CACNA1E: variants seen among roughly 807,000 people sequenced by gnomAD.
CACNA1E encodes the protein calcium voltage-gated channel subunit alpha1 E, also known as voltage-dependent R-type calcium channel subunit alpha-1E.
A neutral mutation model predicts 259.2 loss-of-function variants in CACNA1E; 40 were observed. That is an observed-to-expected ratio of 0.15 (90% CI 0.12 to 0.20). The LOEUF is 0.20. CACNA1E is among the 10% of genes least tolerant of loss of function. The probability of loss-of-function intolerance (pLI) is 1.00; values close to 1 mark genes in which losing one functional copy is unlikely to be tolerated. For synonymous variants in CACNA1E, 1,104 were observed against 1,138.5 expected (o/e 0.97, Z 0.61); for missense variants, 1,874 against 3,040.1 (o/e 0.62, Z 9.02).
intron 17 of CACNA1E, among the ~76,000 whole-genome samples, chr1:181,725,334 T>G (rs183122540): frequency 3.0e-4 from 45 of 152,366 alleles, no homozygotes; most frequent in African/African-American, 1.1e-3. Context: ...TTGGCTGTGT[T>G]GGCTTTGCTT....
intron 25 of CACNA1E, among the ~76,000 whole-genome samples, chr1:181,740,797 G>A (rs1011578580): frequency 2.6e-5 from 4 of 152,168 alleles, no homozygotes; most frequent in Non-Finnish European, 5.9e-5. Context: ...AAAGCTTTCT[G>A]TCACATGTGG....
intron 7 of CACNA1E, among the ~76,000 whole-genome samples, chr1:181,671,304 G>A (rs1049835889): frequency 5.9e-5 from 9 of 152,288 alleles, no homozygotes; most frequent in African/African-American, 1.9e-4. Context: ...GGGATTACAG[G>A]CGTGATCTAC....
intron 2 of CACNA1E, among the ~76,000 whole-genome samples, chr1:181,469,669 G>A: frequency 6.6e-6 from 1 of 152,138 alleles, no homozygotes. Flanking sequence ...TAGTGAAGAA[G>A]GCAGACACCG....
chr1:181,387,339 A>G (rs1655928594), intron 1 of CACNA1E, among the ~76,000 whole-genome samples: 1 of 152,210 alleles, frequency 6.6e-6, no homozygotes, highest in Admixed American at 6.5e-5. Context: ...GGACAGTCAA[A>G]TCACTTTCCC....
chr1:181,382,689 T>G (rs1421027401), intron 1 of CACNA1E, among the ~76,000 whole-genome samples: 1 of 152,202 alleles, frequency 6.6e-6, no homozygotes, highest in Non-Finnish European at 1.5e-5. Flanking sequence ...CCTTAGCAAA[T>G]AGCAATAACA....
chr1:181,392,694 A>G (rs1656385042), intron 1 of CACNA1E, among the ~76,000 whole-genome samples: 1 of 152,230 alleles, frequency 6.6e-6, no homozygotes, highest in Non-Finnish European at 1.5e-5. Context: ...GTGATCTCAG[A>G]ACCCCAAAAG....
intron 36 of CACNA1E, chr1:181,771,593 C>T: frequency 3.7e-6 from 2 of 547,676 alleles, no homozygotes; most frequent in Non-Finnish European, 6.5e-6. Context: ...CATGAATGTG[C>T]CTGATCTTGT....
At chr1:181,345,764 T>C (rs562386235) in intron 1 of CACNA1E, among the ~76,000 whole-genome samples, 1 of 152,294 alleles carries the variant, frequency 6.6e-6, no homozygotes, top group South Asian at 2.1e-4. Context: ...ATTTCCCCGC[T>C]TCTTGAGTGG....
intron 47 of CACNA1E, among the ~76,000 whole-genome samples, chr1:181,797,122 A>G (rs1396848377): frequency 2.0e-5 from 3 of 152,198 alleles, no homozygotes; most frequent in African/African-American, 7.2e-5. Context: ...GAAACCAGAG[A>G]TATAAATAGG....
At chr1:181,641,061 A>G (rs138931910) in intron 6 of CACNA1E, among the ~76,000 whole-genome samples, 1 of 152,348 alleles carries the variant, frequency 6.6e-6, no homozygotes, top group East Asian at 1.9e-4. Flanking sequence ...TGTACTCACG[A>G]CTTAGCCTTC....
chr1:181,506,083 T>C (rs1665683489), intron 1 of CACNA1E, among the ~76,000 whole-genome samples: 1 of 152,214 alleles, frequency 6.6e-6, no homozygotes, highest in African/African-American at 2.4e-5. Flanking sequence ...GTAATGAGTG[T>C]CACTGAATTC....
chr1:181,685,010 G>A (rs1156568477), intron 7 of CACNA1E, among the ~76,000 whole-genome samples: 4 of 151,546 alleles, frequency 2.6e-5, no homozygotes, highest in Admixed American at 6.6e-5. Context: ...TAAAGACTGA[G>A]TTACTCTTGA....
chr1:181,551,510 C>T (rs1438131905), intron 3 of CACNA1E, among the ~76,000 whole-genome samples: 1 of 152,210 alleles, frequency 6.6e-6, no homozygotes. Flanking sequence ...GACAGACCCG[C>T]CAGCTCAGCC....
At chr1:181,556,314 A>G (rs12734657) in intron 3 of CACNA1E, among the ~76,000 whole-genome samples, 17,662 of 152,192 alleles carry the variant, frequency 0.12, 1,113 homozygotes, top group South Asian at 0.17. Flanking sequence ...CCAGGACAGC[A>G]ATTTCTCATA....
intron 1 of CACNA1E, among the ~76,000 whole-genome samples, chr1:181,370,130 AAAAC>A (rs1654572676): frequency 6.6e-6 from 1 of 152,234 alleles, no homozygotes; most frequent in African/African-American, 2.4e-5. Context: ...TGGTTAAAAA[AAAAC>A]AAAATTAAAA....
chr1:181,557,526 A>G (rs1286670747), intron 3 of CACNA1E, among the ~76,000 whole-genome samples: 1 of 151,984 alleles, frequency 6.6e-6, no homozygotes, highest in Non-Finnish European at 1.5e-5. Context: ...AAGTACTCAG[A>G]CTCTGGGAAG....
chr1:181,470,179 G>A lies in CACNA1E; in HGVS notation c.435-13565G>A, dbSNP rs1220293717. ...GCTTGATTTATTTTAATTTTTTTTA[G>A]AGATGGAGTCTCTAAAATATTTTTT... On this transcript the variant is annotated intron_variant, in intron 2 of 11. Coordinates refer to the CACNA1E transcript ENST00000524607. Among the ~76,000 whole-genome samples, 3 of 151,382 alleles carry A rather than the reference G, an allele frequency of 2.0e-5. No individual in the cohort carries two copies. The East Asian group carries it at 5.8e-4, about 29-fold the overall frequency.
intron 35 of CACNA1E, among the ~76,000 whole-genome samples, chr1:181,767,782 G>A (rs893293090): frequency 6.6e-6 from 1 of 152,190 alleles, no homozygotes; most frequent in African/African-American, 2.4e-5. Flanking sequence ...GGAATTTAAT[G>A]ATCATGTTGG....
At chr1:181,578,125 A>G (rs1024404528) in intron 4 of CACNA1E, among the ~76,000 whole-genome samples, 3 of 152,250 alleles carry the variant, frequency 2.0e-5, no homozygotes, top group African/African-American at 4.8e-5. Context: ...AGTGCTCTTT[A>G]TCTTATCACT....
Sources: allele counts gnomAD v4.1 joint callset (sites outside exome capture counted in the v4.1 genomes callset), GRCh38; gene constraint gnomAD v4.1.1; transcripts MANE v1.5; gene names NCBI Gene and HGNC (gene_info 2026-07-23, HGNC 2026-07-21).